The following HNF1B variants were observed in gnomAD, a reference collection of about 807,000 sequenced individuals.
The protein encoded by HNF1B is hepatocyte nuclear factor 1-beta.
In HNF1B, 8 loss-of-function variants were observed where a neutral mutation model predicts 61.7. That is an observed-to-expected ratio of 0.13 (90% CI 0.08 to 0.23). The LOEUF is 0.23. Ranked by LOEUF, HNF1B falls within the 10% of genes least tolerant of loss-of-function variation. The probability of loss-of-function intolerance (pLI) is 1.00; values close to 1 mark genes in which losing one functional copy is unlikely to be tolerated. For synonymous variants in HNF1B, 314 were observed against 287.7 expected, an observed-to-expected ratio of 1.09 and a Z score of -0.93; for missense variants, 562 against 714.5, an observed-to-expected ratio of 0.79 and a Z score of 2.43.
intron 4 of HNF1B, chr17:37,720,775 T>C: frequency 2.0e-6 from 2 of 984,940 alleles, no homozygotes; most frequent in Admixed American, 6.1e-5. Context: ...ATTCTGCCAC[T>C]CAGAATACAT....
At position 37,740,862 on chromosome 17, in the gene HNF1B, G is replaced by A. The variant is rs77356828; in HGVS notation, c.345-1223C>T. Among the ~76,000 whole-genome samples the A allele has an allele frequency of 5.0e-3, 767 of 152,294 alleles. 6 individuals are homozygous for A. Among genetic ancestry groups the A allele is most frequent in the African/African-American group, 0.018 (732 of 41,556 alleles). On this transcript the variant is annotated intron_variant, in intron 1 of 8. Transcript: ENST00000617811. ...AGCACCTTTGAATTTTATTTGTCTA[G>A]AATGGTTTCAACTTTGCCAATATCT...
At chr17:37,697,780 G>A (rs1470796712) in intron 8 of HNF1B, among the ~76,000 whole-genome samples, 2 of 152,222 alleles carry the variant, frequency 1.3e-5, no homozygotes, top group Middle Eastern at 6.8e-3. Flanking sequence ...AGAGAAGAGT[G>A]GCAAAGCAGG....
At chr17:37,698,719 G>A (rs2269845) in intron 8 of HNF1B, among the ~76,000 whole-genome samples, 24,518 of 152,094 alleles carry the variant, frequency 0.16, 2,021 homozygotes, top group Middle Eastern at 0.22. Context: ...CTCAGCAGGG[G>A]ATCTGTCCTC....
intron 8 of HNF1B, among the ~76,000 whole-genome samples, chr17:37,696,978 C>T (rs922645082): frequency 6.6e-6 from 1 of 152,114 alleles, no homozygotes; most frequent in Non-Finnish European, 1.5e-5. Flanking sequence ...GGCAAGTGAA[C>T]TTATTTTTTA....
At chr17:37,696,839 A>G (rs2032402009) in intron 8 of HNF1B, among the ~76,000 whole-genome samples, 1 of 152,200 alleles carries the variant, frequency 6.6e-6, no homozygotes, top group Non-Finnish European at 1.5e-5. Flanking sequence ...AGTTTGTACA[A>G]ACTGTCTTCA....
rs571095830 is a variant in HNF1B, at chr17:37,744,335, G to A, written c.344+206C>T. Among the ~76,000 whole-genome samples, 11 of 152,364 alleles carry A rather than the reference G, an allele frequency of 7.2e-5. No individual in the cohort carries two copies. In the East Asian group the frequency reaches 2.1e-3, roughly 29 times the overall value. Reference sequence around the variant, plus strand: ...GGTCTCGGACGCTGGCCTGGGCCTGGGGAGAAGAAGCCCGGTGGGCCGCAG... The same window carrying A: ...GGTCTCGGACGCTGGCCTGGGCCTGAGGAGAAGAAGCCCGGTGGGCCGCAG... On this transcript the variant is annotated intron_variant, in intron 1 of 8. Transcript: ENST00000617811.
At chr17:37,726,860 A>G (rs1568659790) in intron 4 of HNF1B, among the ~76,000 whole-genome samples, 1 of 152,108 alleles carries the variant, frequency 6.6e-6, no homozygotes, top group Non-Finnish European at 1.5e-5. Flanking sequence ...TTTGTGCCTC[A>G]CTTTCTTTCC....
At chr17:37,710,284 C>T (rs1057403362) in intron 5 of HNF1B, among the ~76,000 whole-genome samples, 2 of 152,226 alleles carry the variant, frequency 1.3e-5, no homozygotes, top group African/African-American at 2.4e-5. Flanking sequence ...GAGAGCAGAA[C>T]TCTGTCAGAT....
intron 1 of HNF1B, among the ~76,000 whole-genome samples, chr17:37,743,976 C>T (rs1401206616): frequency 3.9e-5 from 6 of 152,248 alleles, no homozygotes; most frequent in Admixed American, 6.5e-5. Context: ...TAATTCCGGG[C>T]CTTGCATGGG....
rs772753509 is a variant in HNF1B at position 37,744,605 on chromosome 17, CCTT to C, written c.277_279del (p.Lys93del). Reference sequence around the variant, plus strand: ...TCCTCGGTGTTGAGCGCCTGCAGCTCCTTGAGGATGGGAGGTGTGTCATAGTCG... The same window carrying C: ...TCCTCGGTGTTGAGCGCCTGCAGCTCGAGGATGGGAGGTGTGTCATAGTCG... On this transcript the variant is annotated inframe_deletion, in exon 1 of 9. Coordinates refer to ENST00000617811, the MANE Select transcript of HNF1B (RefSeq NM_000458.4). 6.2e-7 allele frequency: 1 copy of C among 1,609,758 alleles called. No homozygotes were observed. Among genetic ancestry groups the C allele is most frequent in the Non-Finnish European group, 8.5e-7 (1 of 1,179,980 alleles).
At chr17:37,734,792 T>TC (rs1204031652) in intron 2 of HNF1B, among the ~76,000 whole-genome samples, 1 of 150,496 alleles carries the variant, frequency 6.6e-6, no homozygotes, top group Non-Finnish European at 1.5e-5. Context: ...TTAATATCTT[T>TC]TTTTTTTTTT....
chr17:37,704,586 A>G (rs2032677793), intron 6 of HNF1B, among the ~76,000 whole-genome samples: 1 of 152,220 alleles, frequency 6.6e-6, no homozygotes, highest in South Asian at 2.1e-4. Context: ...ATTTATAAGC[A>G]TGTTCATATT....
chr17:37,735,585 G>A (rs1450227423), intron 2 of HNF1B, among the ~76,000 whole-genome samples: 1 of 152,140 alleles, frequency 6.6e-6, no homozygotes, highest in East Asian at 1.9e-4. Context: ...AAATGTACTA[G>A]CAGGAAGTCA....
chr17:37,714,783 C>A (rs1431528756), intron 4 of HNF1B, among the ~76,000 whole-genome samples: 1 of 152,170 alleles, frequency 6.6e-6, no homozygotes, highest in East Asian at 1.9e-4. Context: ...AAGAAGCCAG[C>A]ATCCTTGCTC....
rs776449149 is a variant in HNF1B, at chr17:37,739,656, ATGGT to A, written c.345-21_345-18del. 1.3e-6 allele frequency: 2 copies of A among 1,594,998 alleles called. No homozygotes were observed. The highest frequency in any genetic ancestry group is 2.7e-5 in the African/African-American group (2 of 74,622). ...GGGTCCTCACTAGACAGACAAGCAGATGGTTAGGGTACTAGTGGGAGACATCTGG... is the reference window on the plus strand; with the variant it reads ...GGGTCCTCACTAGACAGACAAGCAGATAGGGTACTAGTGGGAGACATCTGG... On this transcript the variant is annotated intron_variant, in intron 1 of 8. Transcript: ENST00000617811.
At chr17:37,729,894 A>G (rs1166161403) in intron 4 of HNF1B, 1 of 116,386 alleles carries the variant, frequency 8.6e-6, no homozygotes, top group African/African-American at 4.0e-5. Context: ...GGGGCACCCC[A>G]GAGTATCCAC....
intron 4 of HNF1B, among the ~76,000 whole-genome samples, chr17:37,721,175 G>A (rs1173950434): frequency 1.3e-5 from 2 of 152,148 alleles, no homozygotes; most frequent in African/African-American, 4.8e-5. Flanking sequence ...ACCTCTAGCA[G>A]TTATAGGTGT....
chr17:37,722,906 G>A (rs893246168), intron 4 of HNF1B, among the ~76,000 whole-genome samples: 3 of 151,922 alleles, frequency 2.0e-5, no homozygotes, highest in Non-Finnish European at 4.4e-5. Context: ...ATGCTCCTTC[G>A]CCTGACGTTT....
intron 2 of HNF1B, among the ~76,000 whole-genome samples, chr17:37,737,555 C>T (rs1001995194): frequency 1.8e-4 from 27 of 152,064 alleles, no homozygotes; most frequent in Admixed American, 7.9e-4. Context: ...CAACTGGGTG[C>T]GGTGGCTCAC....
Sources: allele counts gnomAD v4.1 joint callset (sites outside exome capture counted in the v4.1 genomes callset), GRCh38; gene constraint gnomAD v4.1.1; transcripts MANE v1.5; gene names NCBI Gene and HGNC (gene_info 2026-07-23, HGNC 2026-07-21).